NRXN3: variants seen among roughly 807,000 people sequenced by gnomAD.
NRXN3 encodes the protein neurexin III.
Under a neutral mutation model 137.6 loss-of-function variants are expected in NRXN3, and 32 were observed. The observed-to-expected ratio is 0.23, with a 90% CI of 0.18 to 0.31. The LOEUF is 0.31. Ranked by LOEUF, NRXN3 falls within the 10% of genes least tolerant of loss-of-function variation. The pLI is 1.00. For synonymous variants in NRXN3, 798 were observed against 784.5 expected (o/e 1.02, Z -0.29); for missense variants, 1,574 against 2,062.5 (o/e 0.76, Z 4.59).
At chr14:79,839,392 T>A (rs2223035) in intron 20 of NRXN3, among the ~76,000 whole-genome samples, 136,048 of 152,016 alleles carry the variant, frequency 0.89, 61,003 homozygotes, top group East Asian at 1. Flanking sequence ...TGGGGCCTTT[T>A]AAAAAGTGTG....
At chr14:79,294,892 T>A (rs1460019021) in intron 15 of NRXN3, among the ~76,000 whole-genome samples, 1 of 152,156 alleles carries the variant, frequency 6.6e-6, no homozygotes, top group Non-Finnish European at 1.5e-5. Context: ...CCTTTCCATC[T>A]CTATTGCATT....
intron 17 of NRXN3, among the ~76,000 whole-genome samples, chr14:79,685,645 T>C (rs1453489675): frequency 1.3e-5 from 2 of 152,220 alleles, no homozygotes; most frequent in Admixed American, 1.3e-4. Context: ...GGCCTAGTTT[T>C]ATTAACCTAA....
At chr14:78,964,298 C>T (rs1240367914) in intron 11 of NRXN3, among the ~76,000 whole-genome samples, 1 of 152,172 alleles carries the variant, frequency 6.6e-6, no homozygotes, top group Non-Finnish European at 1.5e-5. Context: ...ATATTGCTTA[C>T]ACCCACTGAA....
chr14:79,348,468 C>T (rs1432327147), intron 15 of NRXN3, among the ~76,000 whole-genome samples: 11 of 151,626 alleles, frequency 7.3e-5, no homozygotes, highest in South Asian at 2.1e-4. Context: ...CTCCGCCTCC[C>T]GGGTTCACGC....
At chr14:79,677,925 T>C (rs948348842) in intron 17 of NRXN3, among the ~76,000 whole-genome samples, 2 of 152,206 alleles carry the variant, frequency 1.3e-5, no homozygotes, top group East Asian at 1.9e-4. Context: ...GTAGGTATCA[T>C]TGATGAACAC....
intron 19 of NRXN3, among the ~76,000 whole-genome samples, chr14:79,717,485 G>C (rs2098827572): frequency 6.6e-6 from 1 of 152,200 alleles, no homozygotes. Flanking sequence ...CAATCAGTGA[G>C]AGACTGGGTC....
chr14:78,308,289 A>C (rs1300651168), intron 4 of NRXN3, among the ~76,000 whole-genome samples: 1 of 152,104 alleles, frequency 6.6e-6, no homozygotes, highest in African/African-American at 2.4e-5. Flanking sequence ...CTGACAATTA[A>C]TGCTGTTCTG....
At chr14:78,796,449 G>C (rs2098822079) in intron 8 of NRXN3, among the ~76,000 whole-genome samples, 3 of 152,208 alleles carry the variant, frequency 2.0e-5, no homozygotes, top group Non-Finnish European at 2.9e-5. Flanking sequence ...TGGAACAGAA[G>C]TTAGAGAAGT....
At chr14:78,947,008 A>G (rs1008641476) in intron 10 of NRXN3, among the ~76,000 whole-genome samples, 1 of 152,180 alleles carries the variant, frequency 6.6e-6, no homozygotes, top group African/African-American at 2.4e-5. Context: ...TAATTTCTCA[A>G]CTTTTCAAAC....
chr14:78,375,280 G>A lies in NRXN3; in HGVS notation c.757+77420G>A, dbSNP rs574000497. Among the ~76,000 whole-genome samples, 11 of 152,222 alleles carry A rather than the reference G, an allele frequency of 7.2e-5. No homozygotes were observed. In the South Asian group the frequency reaches 1.0e-3, roughly 14 times the overall value. On this transcript the variant is annotated intron_variant, in intron 4 of 20. Transcript: ENST00000335750. ...AACTTTGCCTCTTTGCAAATTAACCGTAGGGATGCCATTTGGAACAACATG... is the reference window on the plus strand; with the variant it reads ...AACTTTGCCTCTTTGCAAATTAACCATAGGGATGCCATTTGGAACAACATG...
At chr14:79,801,269 T>C (rs1398591286) in intron 19 of NRXN3, among the ~76,000 whole-genome samples, 1 of 152,200 alleles carries the variant, frequency 6.6e-6, no homozygotes, top group Non-Finnish European at 1.5e-5. Context: ...TTGTTTAAGC[T>C]CTTTATGAGT....
intron 16 of NRXN3, among the ~76,000 whole-genome samples, chr14:79,537,314 A>T (rs534455149): frequency 8.1e-4 from 123 of 151,140 alleles, no homozygotes; most frequent in Non-Finnish European, 1.4e-3. Flanking sequence ...ATTATACTTT[A>T]AGCTTTAGGG....
At chr14:79,514,985 C>T (rs2096968643) in intron 16 of NRXN3, among the ~76,000 whole-genome samples, 1 of 150,520 alleles carries the variant, frequency 6.6e-6, no homozygotes, top group South Asian at 2.1e-4. Context: ...TCACTGCACA[C>T]TCTAGGCAGA....
chr14:79,055,426 G>A (rs1393717994), intron 15 of NRXN3, among the ~76,000 whole-genome samples: 1 of 152,138 alleles, frequency 6.6e-6, no homozygotes, highest in African/African-American at 2.4e-5. Flanking sequence ...TGGTAGTGAT[G>A]GAATCAAATG....
Position 78,967,385 on chromosome 14 carries a change from T to C in NRXN3, c.2955T>C (p.Asn985=), listed in dbSNP as rs202206970. 6.2e-7 allele frequency: 1 copy of C among 1,613,214 alleles called. No homozygotes were observed. The highest frequency in any genetic ancestry group is 2.2e-5 in the East Asian group (1 of 44,844). The part of the protein sequence containing the change: ...VVTQVINGAK[N]LDLKGDLYMA... ...CTCAGGTTATCAATGGTGCCAAAAA[T>C]CTGGATTTGAAAGGTAAACCTTGTA... Residue 985 remains asparagine (N), a synonymous_variant, in exon 13 of 21, where the codon AAT becomes AAC. Coordinates refer to ENST00000335750, the MANE Select transcript of NRXN3 (RefSeq NM_001330195.2).
intron 4 of NRXN3, among the ~76,000 whole-genome samples, chr14:78,339,331 T>A (rs765293852): frequency 1.3e-5 from 2 of 152,202 alleles, no homozygotes; most frequent in Non-Finnish European, 2.9e-5. Flanking sequence ...TCAAAGCTAG[T>A]AAGCAGATGG....
chr14:79,408,523 A>G (rs780862051), intron 15 of NRXN3, among the ~76,000 whole-genome samples: 10 of 152,026 alleles, frequency 6.6e-5, no homozygotes, highest in Non-Finnish European at 1.2e-4. Context: ...AATGTTTACT[A>G]TTTCTGATTA....
chr14:78,300,331 C>T (rs1194987336), intron 4 of NRXN3, among the ~76,000 whole-genome samples: 1 of 152,204 alleles, frequency 6.6e-6, no homozygotes, highest in African/African-American at 2.4e-5. Context: ...ATACATGTGG[C>T]TGTGCAGTAC....
chr14:79,278,496 C>A (rs1255563592), intron 15 of NRXN3, among the ~76,000 whole-genome samples: 2 of 152,214 alleles, frequency 1.3e-5, no homozygotes, highest in Non-Finnish European at 2.9e-5. Flanking sequence ...AAACACCGTG[C>A]TGTCTTTGAT....
Sources: gnomAD v4.1 joint callset for allele counts (sites outside exome capture counted in the v4.1 genomes callset) on GRCh38, gnomAD v4.1.1 for gene constraint, MANE v1.5 for transcripts, NCBI Gene and HGNC (gene_info 2026-07-23, HGNC 2026-07-21) for gene names.